The following ZMAT4 variants were observed in gnomAD, a reference collection of about 807,000 sequenced individuals.
ZMAT4 encodes zinc finger matrin-type protein 4.
Under a neutral mutation model 28.7 loss-of-function variants are expected in ZMAT4, and 17 were observed. The observed-to-expected ratio is 0.59, with a 90% CI of 0.41 to 0.89. ZMAT4 has a LOEUF of 0.89. Ranked by LOEUF, ZMAT4 falls within the 40% of genes least tolerant of loss-of-function variation. The pLI is 0.00. For missense variants in ZMAT4, 240 were observed against 283.8 expected, an observed-to-expected ratio of 0.85 and a Z score of 1.11; for synonymous variants, 117 against 109.2, an observed-to-expected ratio of 1.07 and a Z score of -0.44.
At chr8:40,863,528 G>A (rs1817574544) in intron 1 of ZMAT4, among the ~76,000 whole-genome samples, 1 of 152,208 alleles carries the variant, frequency 6.6e-6, no homozygotes, top group Admixed American at 6.5e-5. Context: ...ACAAGAGGAG[G>A]TGGAAGTGGA....
At position 40,771,841 on chromosome 8, in the gene ZMAT4, C is replaced by T. The variant is rs551404155; in HGVS notation, c.103-4111G>A. ...AAGCTACATCTGAAACTGGCTCTTACGTCATCCAAATAAACACAAGCAAAA... is the reference window on the plus strand; with the variant it reads ...AAGCTACATCTGAAACTGGCTCTTATGTCATCCAAATAAACACAAGCAAAA... On this transcript the variant is annotated intron_variant, in intron 2 of 6. Coordinates refer to ENST00000297737, the MANE Select transcript of ZMAT4 (RefSeq NM_024645.3). Among the ~76,000 whole-genome samples the T allele has an allele frequency of 3.9e-5, 6 of 152,176 alleles. No homozygotes were observed. In the South Asian group the frequency reaches 1.0e-3, roughly 26 times the overall value.
chr8:40,684,945 A>G (rs1193392373), intron 4 of ZMAT4, among the ~76,000 whole-genome samples: 1 of 152,052 alleles, frequency 6.6e-6, no homozygotes, highest in Non-Finnish European at 1.5e-5. Context: ...CTCCATTTTG[A>G]GTTGCCTTAA....
intron 1 of ZMAT4, among the ~76,000 whole-genome samples, chr8:40,869,871 G>A (rs1817794275): frequency 1.3e-5 from 2 of 152,260 alleles, no homozygotes; most frequent in South Asian, 2.1e-4. Flanking sequence ...GAGACAGCAT[G>A]GACTTCTGGG....
At chr8:40,873,890 G>C (rs912143643) in intron 1 of ZMAT4, among the ~76,000 whole-genome samples, 1 of 152,136 alleles carries the variant, frequency 6.6e-6, no homozygotes, top group Non-Finnish European at 1.5e-5. Context: ...TGGTGAGAGG[G>C]GGTGAGGACC....
At chr8:40,661,204 G>A (rs188675770) in intron 5 of ZMAT4, among the ~76,000 whole-genome samples, 32 of 152,228 alleles carry the variant, frequency 2.1e-4, no homozygotes, top group African/African-American at 6.3e-4. Context: ...AGGTTCAAGC[G>A]ATTCTTTTGT....
chr8:40,767,616 A>G (rs1194319658), intron 3 of ZMAT4, 25 bp downstream of exon 3: 2 of 1,592,792 alleles, frequency 1.3e-6, no homozygotes, highest in Non-Finnish European at 1.7e-6. Flanking sequence ...TCATCTGAGG[A>G]TATCACGTGG....
chr8:40,539,622 C>T (rs908600503), intron 6 of ZMAT4, among the ~76,000 whole-genome samples: 5 of 152,088 alleles, frequency 3.3e-5, no homozygotes, highest in South Asian at 2.1e-4. Context: ...TATCTTCCTC[C>T]TAGGAATGTC....
At chr8:40,685,657 C>T (rs767310795) in intron 4 of ZMAT4, among the ~76,000 whole-genome samples, 3 of 152,008 alleles carry the variant, frequency 2.0e-5, no homozygotes, top group Non-Finnish European at 2.9e-5. Flanking sequence ...GATGTAGCTG[C>T]TTTAAAACCT....
intron 5 of ZMAT4, among the ~76,000 whole-genome samples, chr8:40,599,741 T>C (rs558161876): frequency 3.7e-4 from 56 of 152,298 alleles, no homozygotes; most frequent in African/African-American, 1.3e-3. Context: ...GCTGAAGACA[T>C]CTGGATGGGA....
intron 2 of ZMAT4, among the ~76,000 whole-genome samples, chr8:40,822,176 T>C (rs1815853654): frequency 6.6e-6 from 1 of 152,226 alleles, no homozygotes; most frequent in Non-Finnish European, 1.5e-5. Context: ...CTTGGAATCA[T>C]ACAGGTATTT....
intron 2 of ZMAT4, among the ~76,000 whole-genome samples, chr8:40,772,986 C>T (rs936364620): frequency 6.6e-6 from 1 of 152,188 alleles, no homozygotes; most frequent in African/African-American, 2.4e-5. Context: ...GGCAAAACCC[C>T]AGGAAGCATC....
intron 3 of ZMAT4, among the ~76,000 whole-genome samples, chr8:40,698,932 G>A (rs142572882): frequency 6.6e-6 from 1 of 152,154 alleles, no homozygotes; most frequent in Non-Finnish European, 1.5e-5. Context: ...AAATCTAGTA[G>A]CCCTGAGGCT....
intron 1 of ZMAT4, among the ~76,000 whole-genome samples, chr8:40,855,718 C>A (rs2150639558): frequency 6.6e-6 from 1 of 151,638 alleles, no homozygotes; most frequent in African/African-American, 2.4e-5. Context: ...CTCTGTTACC[C>A]AGGCTGGAGT....
chr8:40,587,481 C>A (rs528915399), intron 5 of ZMAT4, among the ~76,000 whole-genome samples: 5 of 152,108 alleles, frequency 3.3e-5, no homozygotes, highest in African/African-American at 1.2e-4. Context: ...AAATCTATGA[C>A]AATAGCAGCA....
intron 5 of ZMAT4, among the ~76,000 whole-genome samples, chr8:40,642,698 A>G (rs1807095214): frequency 6.6e-6 from 1 of 152,180 alleles, no homozygotes; most frequent in Non-Finnish European, 1.5e-5. Flanking sequence ...CCATTTCTCC[A>G]TCCCCAGGAT....
At chr8:40,678,498 T>A (rs1485726193) in intron 4 of ZMAT4, among the ~76,000 whole-genome samples, 1 of 152,218 alleles carries the variant, frequency 6.6e-6, no homozygotes, top group East Asian at 1.9e-4. Flanking sequence ...GCCGTGCACC[T>A]GTCCCACAAG....
chr8:40,532,407 GTA>G (rs913201760), intron 6 of ZMAT4, among the ~76,000 whole-genome samples, 169 bp from the exon 7 acceptor site: 8 of 53,086 alleles, frequency 1.5e-4, no homozygotes, highest in Non-Finnish European at 2.3e-4. Context: ...TAAATAACCT[GTA>G]TATATAAAAT....
At chr8:40,660,760 GGCCA>G (rs1382724227) in intron 5 of ZMAT4, among the ~76,000 whole-genome samples, 4 of 152,158 alleles carry the variant, frequency 2.6e-5, no homozygotes, top group Admixed American at 1.3e-4. Flanking sequence ...AGATGATAAT[GGCCA>G]GCAGCAGAAT....
chr8:40,847,061 G>C (rs1417515277), intron 1 of ZMAT4, among the ~76,000 whole-genome samples: 2 of 151,958 alleles, frequency 1.3e-5, no homozygotes, highest in Non-Finnish European at 1.5e-5. Flanking sequence ...AGAAAAACTA[G>C]CAGTATGGTG....
Sources: allele counts gnomAD v4.1 joint callset (sites outside exome capture counted in the v4.1 genomes callset), GRCh38; gene constraint gnomAD v4.1.1; transcripts MANE v1.5; gene names NCBI Gene and HGNC (gene_info 2026-07-23, HGNC 2026-07-21).